SLC23A2: variants seen among roughly 807,000 people sequenced by gnomAD.
The protein encoded by SLC23A2 is Na(+)/L-ascorbic acid transporter 2.
In SLC23A2, 36 loss-of-function variants were observed where a neutral mutation model predicts 73.3. That is an observed-to-expected ratio of 0.49 (90% CI 0.38 to 0.65). The LOEUF (loss-of-function observed/expected upper bound fraction) is 0.65, where lower values mean the gene tolerates loss of function less well. Among genes scored for constraint, SLC23A2 ranks in the 30% least tolerant of loss-of-function variants. The probability of loss-of-function intolerance (pLI) is 0.00; values close to 1 mark genes in which losing one functional copy is unlikely to be tolerated. For synonymous variants in SLC23A2, 343 were observed against 327.3 expected (o/e 1.05, Z -0.52); for missense variants, 507 against 841.6 (o/e 0.60, Z 4.92).
chr20:4,888,025 A>T (rs1279132149), intron 6 of SLC23A2, among the ~76,000 whole-genome samples: 1 of 152,160 alleles, frequency 6.6e-6, no homozygotes, highest in East Asian at 1.9e-4. Flanking sequence ...TTCTCTCTGC[A>T]CCCAAGGCAC....
At chr20:4,884,222 A>G (rs1931006677) in intron 8 of SLC23A2, among the ~76,000 whole-genome samples, 1 of 152,254 alleles carries the variant, frequency 6.6e-6, no homozygotes, top group Non-Finnish European at 1.5e-5. Context: ...TTGTTGACAG[A>G]AATTCTAAAG....
intron 1 of SLC23A2, among the ~76,000 whole-genome samples, chr20:4,995,138 C>T (rs945493957): frequency 2.0e-5 from 3 of 152,016 alleles, no homozygotes; most frequent in Non-Finnish European, 1.5e-5. Context: ...TATATATTCA[C>T]TTGAACAAAG....
intron 6 of SLC23A2, among the ~76,000 whole-genome samples, chr20:4,887,857 T>C (rs1056038070): frequency 2.0e-5 from 3 of 152,178 alleles, no homozygotes; most frequent in Non-Finnish European, 4.4e-5. Flanking sequence ...GACTGAAACG[T>C]TCTTAGGGAA....
Position 4,902,921 on chromosome 20 carries a change from C to T in SLC23A2, c.208-363G>A, listed in dbSNP as rs535206604. On this transcript the variant is annotated intron_variant, in intron 4 of 16. Transcript: ENST00000338244. This position sits in a 1 kb window ranked among gnomAD's most constrained non-coding sequence, Gnocchi z 4.0. ...GGCACGAGCAGTCCTTGCGTGAGAC[C>T]CCAGATGAAAAAAATCTTAGAAAAT... 6.6e-6 allele frequency among the ~76,000 whole-genome samples: 1 copy of T among 152,026 alleles called. No individual in the cohort carries two copies.
chr20:4,980,729 C>T (rs2122264333), intron 1 of SLC23A2, among the ~76,000 whole-genome samples: 1 of 152,062 alleles, frequency 6.6e-6, no homozygotes, highest in Admixed American at 6.6e-5. Context: ...GGGGTTTCAC[C>T]ATGTTGGCCA....
In SLC23A2 at chr20:4,902,607, G is replaced by T; in HGVS notation, c.208-49C>A. The T allele has an allele frequency of 9.3e-7, 1 of 1,076,004 alleles. No individual in the cohort carries two copies. Among genetic ancestry groups the T allele is most frequent in the Non-Finnish European group, 1.4e-6 (1 of 711,724 alleles). 66.7% of individuals were successfully genotyped at this position (1,076,004 alleles called of 1,614,324 possible). On this transcript the variant is annotated intron_variant, in intron 4 of 16. Transcript: ENST00000338244. This position sits in a 1 kb window ranked among gnomAD's most constrained non-coding sequence, Gnocchi z 4.0. ...AGGTGCTCATTAAACGTGAAGACCA[G>T]TGTTAGCTCGGCCATGTACAGGCCA... is the stretch of plus-strand genomic sequence containing the variant.
chr20:4,927,124 G>C (rs1187177302), intron 3 of SLC23A2, among the ~76,000 whole-genome samples: 1 of 152,038 alleles, frequency 6.6e-6, no homozygotes, highest in Non-Finnish European at 1.5e-5. Context: ...CTAGCCACTA[G>C]CCACGTGTGG....
chr20:4,881,735 T>C (rs947016529), intron 9 of SLC23A2, among the ~76,000 whole-genome samples: 1 of 152,250 alleles, frequency 6.6e-6, no homozygotes, highest in South Asian at 2.1e-4. Context: ...ATTCTTCATG[T>C]GCTGTATCTG....
chr20:4,940,448 CT>C (rs2087022586), intron 2 of SLC23A2, among the ~76,000 whole-genome samples: 1 of 151,570 alleles, frequency 6.6e-6, no homozygotes, highest in Admixed American at 6.6e-5. Flanking sequence ...AACAAAGTAA[CT>C]ATTAGTCATT....
Position 4,884,814 on chromosome 20 carries a change from A to T in SLC23A2, c.581T>A (p.Val194Asp). 1 of 1,558,180 alleles carries T rather than the reference A, an allele frequency of 6.4e-7. No individual in the cohort carries two copies. Among genetic ancestry groups the T allele is most frequent in the Middle Eastern group, 1.7e-4 (1 of 5,806 alleles). ...CAACAGCTCTGCTGTTCCATTGGCA[A>T]CTGAAACATCTTGAAAACAAAAACA... Reference protein sequence around the residue: ...KWKCNTTDVSVANGTAELLHT... With the variant: ...KWKCNTTDVSDANGTAELLHT... Residue 194 changes from valine to aspartate, a missense_variant, in exon 8 of 17, where the codon GTT becomes GAT. Physicochemically the swap from Val to Asp is radical, Grantham distance 152. Coordinates refer to ENST00000338244, the MANE Select transcript of SLC23A2 (RefSeq NM_005116.6).
Position 4,912,863 on chromosome 20 carries a change from G to C in SLC23A2, c.207+17C>G. On this transcript the variant is annotated intron_variant, in intron 4 of 16. Transcript: ENST00000338244. ...GATGGCGGTGGGAGTGGGGACACGG[G>C]GTGACGGAAGGGGTACCTTTTCTGC... The C allele has an allele frequency of 6.5e-7, 1 of 1,529,502 alleles. No homozygotes were observed. Among genetic ancestry groups the C allele is most frequent in the Non-Finnish European group, 9.1e-7 (1 of 1,103,450 alleles). 94.7% of individuals were successfully genotyped at this position (1,529,502 alleles called of 1,614,324 possible). A position where few individuals can be genotyped will look rare whatever the true frequency, so the allele number is the denominator to read the frequency against.
intron 6 of SLC23A2, among the ~76,000 whole-genome samples, chr20:4,888,046 G>A (rs1312467797): frequency 1.3e-5 from 2 of 152,160 alleles, no homozygotes; most frequent in African/African-American, 2.4e-5. Context: ...GGCCCCTGTC[G>A]TACTCATGTG....
At chr20:4,943,796 G>A (rs539476130) in intron 2 of SLC23A2, among the ~76,000 whole-genome samples, 7 of 152,274 alleles carry the variant, frequency 4.6e-5, no homozygotes, top group Non-Finnish European at 7.4e-5. Flanking sequence ...AGAGGTGGAC[G>A]GGTAAGCAAA....
At chr20:4,871,615 G>A (rs1194892351) in intron 11 of SLC23A2, among the ~76,000 whole-genome samples, 2 of 152,156 alleles carry the variant, frequency 1.3e-5, no homozygotes, top group African/African-American at 4.8e-5. Flanking sequence ...AGCCTGGAGT[G>A]CGGTTAAGGG....
chr20:4,981,822 C>T (rs2087731181), intron 1 of SLC23A2, among the ~76,000 whole-genome samples: 1 of 152,074 alleles, frequency 6.6e-6, no homozygotes, highest in East Asian at 1.9e-4. Flanking sequence ...CTGCCTCAGC[C>T]TCCTGAGTAG....
At chr20:4,928,524 C>T (rs192028846) in intron 3 of SLC23A2, among the ~76,000 whole-genome samples, 25 of 152,274 alleles carry the variant, frequency 1.6e-4, no homozygotes, top group Admixed American at 1.6e-3. Context: ...CCAAATCATC[C>T]TGGGAGCTCA....
intron 6 of SLC23A2, among the ~76,000 whole-genome samples, chr20:4,892,947 T>C (rs1244971561): frequency 6.6e-6 from 1 of 152,006 alleles, no homozygotes; most frequent in African/African-American, 2.4e-5. Flanking sequence ...GCATATGAGA[T>C]GATGAAACAG....
chr20:4,977,662 C>T (rs1431456571), intron 1 of SLC23A2, among the ~76,000 whole-genome samples: 1 of 149,128 alleles, frequency 6.7e-6, no homozygotes, highest in East Asian at 2.0e-4. Flanking sequence ...TGCACCACTG[C>T]ACTCCAGCCT....
In SLC23A2 at chr20:4,868,199, G is replaced by A. The variant is rs964668773; in HGVS notation, c.1251-324C>T. 6.0e-5 allele frequency among the ~76,000 whole-genome samples: 9 copies of A among 150,008 alleles called. No homozygotes were observed. The highest frequency in any genetic ancestry group is 1.5e-4 in the African/African-American group (6 of 40,736). On this transcript the variant is annotated intron_variant, in intron 12 of 16. Transcript: ENST00000338244. The surrounding 1 kb of genome is among the most constrained non-coding windows in gnomAD (Gnocchi z 4.4). ...GGTTCAAGAGATTCTCCTGCCTCCC[G>A]AGTAGCTGGGATTACAGGTTTGCAC...
Sources: gnomAD v4.1 joint callset for allele counts (sites outside exome capture counted in the v4.1 genomes callset) on GRCh38, gnomAD v4.1.1 for gene constraint, Gnocchi (gnomAD v3.1) non-coding constraint, MANE v1.5 for transcripts, NCBI Gene and HGNC (gene_info 2026-07-23, HGNC 2026-07-21) for gene names.